The following LMO3 variants were observed in gnomAD, a reference collection of about 807,000 sequenced individuals.
LMO3 encodes the protein LIM domain only protein 3.
A neutral mutation model predicts 15.8 loss-of-function variants in LMO3; 2 were observed. That is an observed-to-expected ratio of 0.13 (90% confidence interval 0.05 to 0.40). The LOEUF is 0.40. Ranked by LOEUF, LMO3 falls within the 10% of genes least tolerant of loss-of-function variation. The pLI is 0.99. For missense variants in LMO3, 86 were observed against 182.2 expected, an observed-to-expected ratio of 0.47 and a Z score of 3.04; for synonymous variants, 62 against 63.8, an observed-to-expected ratio of 0.97 and a Z score of 0.13.
chr12:16,604,359 C>T lies in LMO3; in HGVS notation c.-9+1707G>A, dbSNP rs942284101. On this transcript the variant is annotated intron_variant, in intron 1 of 3. Coordinates refer to ENST00000537304, the MANE Select transcript of LMO3 (RefSeq NM_018640.5). The surrounding 1 kb of genome is among the most constrained non-coding windows in gnomAD (Gnocchi z 5.3). ...CAGCCCCCTTCCCTATCCTTCACCC[C>T]CCTCCCCTTTTTGAGCAATGGAGCT... Among the ~76,000 whole-genome samples, 4 of 152,092 alleles carry T rather than the reference C, an allele frequency of 2.6e-5. No homozygotes were observed. The highest frequency in any genetic ancestry group is 5.9e-5 in the Non-Finnish European group (4 of 68,016).
chr12:16,599,265 T>C lies in LMO3; in HGVS notation c.206+1390A>G, dbSNP rs886131646. ...AGAGTGACTTCTCATTGTTGGCACC[T>C]TGCATGTGTTTTACGCACTTGGAAC... On this transcript the variant is annotated intron_variant, in intron 2 of 3. Coordinates refer to ENST00000537304, the MANE Select transcript of LMO3 (RefSeq NM_018640.5). The surrounding 1 kb of genome is among the most constrained non-coding windows in gnomAD (Gnocchi z 4.1). 6.6e-6 allele frequency: 1 copy of C among 152,378 alleles called. No individual in the cohort carries two copies. The highest frequency in any genetic ancestry group is 2.4e-5 in the African/African-American group (1 of 41,446). 9.4% of individuals were successfully genotyped at this position (152,378 alleles called of 1,614,324 possible).
At position 16,586,951 on chromosome 12, in the gene LMO3, C is replaced by T. The variant is rs565470074; in HGVS notation, c.206+13704G>A. On this transcript the variant is annotated intron_variant, in intron 2 of 3. Transcript: ENST00000537304. The surrounding 1 kb of genome is among the most constrained non-coding windows in gnomAD (Gnocchi z 4.3). ...AGAGTCATGTGATAGCTTAAAAACACATGCTTTATCATCATTCAGTAGCAG... is the reference window on the plus strand; with the variant it reads ...AGAGTCATGTGATAGCTTAAAAACATATGCTTTATCATCATTCAGTAGCAG... Among the ~76,000 whole-genome samples the T allele has an allele frequency of 1.6e-4, 25 of 152,286 alleles. No homozygotes were observed. Among genetic ancestry groups the T allele is most frequent in the Admixed American group, 1.2e-3 (18 of 15,294 alleles).
At chr12:16,600,540 T>C in intron 2 of LMO3, 115 bp downstream of exon 2, 3 of 864,592 alleles carry the variant, frequency 3.5e-6, no homozygotes, top group Non-Finnish European at 5.4e-6. Context: ...ACAGGTAACT[T>C]CTTTCAGGAA....
chr12:16,566,713 T>C (rs1942624561), intron 2 of LMO3, among the ~76,000 whole-genome samples: 2 of 152,126 alleles, frequency 1.3e-5, no homozygotes, highest in Admixed American at 1.3e-4. Flanking sequence ...TATTAACACA[T>C]ACAGATCATG....
rs1365809254 is a variant in LMO3, at chr12:16,549,953, C to G, written c.*1269G>C. The G allele has an allele frequency of 1.3e-5, 2 of 152,052 alleles. No homozygotes were observed. The highest frequency in any genetic ancestry group is 2.4e-5 in the African/African-American group (1 of 41,434). 9.4% of individuals were successfully genotyped at this position (152,052 alleles called of 1,614,324 possible). ...ATGATGTATTCTGAGTTGGCAATTA[C>G]TTAAAACAATGAGAGAGTAAAACAC... On this transcript the variant is annotated 3_prime_UTR_variant, in exon 4 of 4. Transcript: ENST00000537304.
intron 1 of LMO3, among the ~76,000 whole-genome samples, 151 bp from the exon 2 acceptor site, chr12:16,601,019 C>G (rs1022072084): frequency 6.6e-6 from 1 of 152,102 alleles, no homozygotes; most frequent in Non-Finnish European, 1.5e-5. Context: ...ATTTTGGAAA[C>G]AAAAAGTCTC....
At chr12:16,564,405 C>T (rs1242036460) in intron 2 of LMO3, among the ~76,000 whole-genome samples, 1 of 152,248 alleles carries the variant, frequency 6.6e-6, no homozygotes, top group Admixed American at 6.5e-5. Flanking sequence ...TGCCATAAAG[C>T]AAGCAAACTC....
chr12:16,572,972 AATGCTTG>A (rs1942865825), intron 2 of LMO3, among the ~76,000 whole-genome samples: 1 of 151,828 alleles, frequency 6.6e-6, no homozygotes, highest in South Asian at 2.1e-4. Context: ...TGAAATCCAC[AATGCTTG>A]AAAGTAGAGA....
At chr12:16,558,440 G>A (rs909818973) in intron 3 of LMO3, among the ~76,000 whole-genome samples, 3 of 151,948 alleles carry the variant, frequency 2.0e-5, no homozygotes, top group African/African-American at 7.2e-5. Context: ...GTCAACAAAA[G>A]TATTCTAAAT....
At chr12:16,572,440 C>T (rs1158290564) in intron 2 of LMO3, among the ~76,000 whole-genome samples, 1 of 116,392 alleles carries the variant, frequency 8.6e-6, no homozygotes, top group Non-Finnish European at 1.7e-5. Context: ...AAAAAAAAAA[C>T]AGAGCTACTA....
intron 2 of LMO3, among the ~76,000 whole-genome samples, chr12:16,590,060 T>A (rs1029190746): frequency 1.3e-5 from 2 of 152,128 alleles, no homozygotes; most frequent in East Asian, 3.9e-4. Flanking sequence ...CATGAAGATA[T>A]CCCAGCCCAT....
At chr12:16,605,101 A>T (rs1943944700) in intron 1 of LMO3, 1 of 1,439,986 alleles carries the variant, frequency 6.9e-7, no homozygotes, top group Non-Finnish European at 9.1e-7. Context: ...CAGACAAGAC[A>T]GGGCGCACAC....
At position 16,584,547 on chromosome 12, in the gene LMO3, CAA is replaced by C. The variant is rs1281326581; in HGVS notation, c.206+16106_206+16107del. On this transcript the variant is annotated intron_variant, in intron 2 of 3. Coordinates refer to ENST00000537304, the MANE Select transcript of LMO3 (RefSeq NM_018640.5). The surrounding 1 kb of genome is among the most constrained non-coding windows in gnomAD (Gnocchi z 5.2). Reference sequence around the variant, plus strand: ...CAGAGAATGAGGAAAGGAATGGAAACAAGAGACGTTTTAGATTAACATTGGCA... The same window carrying C: ...CAGAGAATGAGGAAAGGAATGGAAACGAGACGTTTTAGATTAACATTGGCA... Among the ~76,000 whole-genome samples the C allele has an allele frequency of 2.6e-5, 4 of 151,962 alleles. No individual in the cohort carries two copies. The highest frequency in any genetic ancestry group is 2.1e-4 in the South Asian group (1 of 4,824).
intron 2 of LMO3, among the ~76,000 whole-genome samples, chr12:16,574,678 G>A (rs1942935999): frequency 6.6e-6 from 1 of 152,128 alleles, no homozygotes; most frequent in Non-Finnish European, 1.5e-5. Flanking sequence ...TTAACTGCAA[G>A]ACACATAAAG....
At position 16,559,716 on chromosome 12, in the gene LMO3, G is replaced by A. The variant is rs925608956; in HGVS notation, c.332+697C>T. Among the ~76,000 whole-genome samples, 3 of 151,884 alleles carry A rather than the reference G, an allele frequency of 2.0e-5. No homozygotes were observed. Among genetic ancestry groups the A allele is most frequent in the Non-Finnish European group, 2.9e-5 (2 of 67,968 alleles). Reference sequence around the variant, plus strand: ...CTATAATCCCTGCACTTTGGGAGGTGGAGGTGGGAGGATTGCTTGAGGCCA... The same window carrying A: ...CTATAATCCCTGCACTTTGGGAGGTAGAGGTGGGAGGATTGCTTGAGGCCA... On this transcript the variant is annotated intron_variant, in intron 3 of 3. Transcript: ENST00000537304. The surrounding 1 kb of genome is among the most constrained non-coding windows in gnomAD (Gnocchi z 4.1).
At position 16,587,187 on chromosome 12, in the gene LMO3, T is replaced by C. The variant is rs1363059991; in HGVS notation, c.206+13468A>G. Among the ~76,000 whole-genome samples the C allele has an allele frequency of 2.0e-5, 3 of 152,158 alleles. No homozygotes were observed. The highest frequency in any genetic ancestry group is 4.4e-5 in the Non-Finnish European group (3 of 68,018). ...GACCTGTCAATCTCAAATATATTCA[T>C]AAGCTACACACACGAAAATGAAATG... On this transcript the variant is annotated intron_variant, in intron 2 of 3. Transcript: ENST00000537304. This position sits in a 1 kb window ranked among gnomAD's most constrained non-coding sequence, Gnocchi z 4.3.
chr12:16,551,564 T>TAAAC (rs1941990094), intron 3 of LMO3, among the ~76,000 whole-genome samples: 1 of 150,136 alleles, frequency 6.7e-6, no homozygotes, highest in Admixed American at 6.6e-5. Flanking sequence ...GATATTGAGA[T>TAAAC]AAACACTTTG....
At chr12:16,605,822 T>C in intron 1 of LMO3, 2 of 1,535,526 alleles carry the variant, frequency 1.3e-6, no homozygotes, top group Non-Finnish European at 1.7e-6. Context: ...ATCTTCCGCC[T>C]GCATCTATTT....
In LMO3 at chr12:16,603,711, A is replaced by G. The variant is rs550579497; in HGVS notation, c.-9+2355T>C. On this transcript the variant is annotated intron_variant, in intron 1 of 3. Transcript: ENST00000537304. This position sits in a 1 kb window ranked among gnomAD's most constrained non-coding sequence, Gnocchi z 4.9. ...GTGAGCTTTTAATTGCCTGGATTGC[A>G]TTGTGAAGCGGCCTAACGGTTGATT... 2.6e-4 allele frequency among the ~76,000 whole-genome samples: 40 copies of G among 152,336 alleles called. No individual in the cohort carries two copies. Among genetic ancestry groups the G allele is most frequent in the African/African-American group, 9.4e-4 (39 of 41,582 alleles).
Sources: gnomAD v4.1 joint callset for allele counts (sites outside exome capture counted in the v4.1 genomes callset) on GRCh38, gnomAD v4.1.1 for gene constraint, Gnocchi (gnomAD v3.1) non-coding constraint, MANE v1.5 for transcripts, NCBI Gene and HGNC (gene_info 2026-07-23, HGNC 2026-07-21) for gene names.